APBB1IP: variants seen among roughly 807,000 people sequenced by gnomAD.
APBB1IP encodes amyloid beta A4 precursor protein-binding family B member 1-interacting protein.
A neutral mutation model predicts 64.9 loss-of-function variants in APBB1IP; 27 were observed. The ratio of observed to expected loss-of-function variants is 0.42; its 90% confidence interval spans 0.31 to 0.57. APBB1IP has a LOEUF of 0.57. Among genes scored for constraint, APBB1IP ranks in the 20% least tolerant of loss-of-function variants. The pLI is 0.20. For missense variants in APBB1IP, 812 were observed against 845.5 expected (o/e 0.96, Z 0.49); for synonymous variants, 392 against 331.0 (o/e 1.18, Z -2.00).
At chr10:26,499,329 A>C (rs1836067622) in intron 4 of APBB1IP, among the ~76,000 whole-genome samples, 1 of 152,084 alleles carries the variant, frequency 6.6e-6, no homozygotes, top group South Asian at 2.1e-4. Context: ...AAAAAAAAGA[A>C]AAGAAATTAT....
At chr10:26,519,439 C>G (rs1188853944) in intron 8 of APBB1IP, among the ~76,000 whole-genome samples, 1 of 152,104 alleles carries the variant, frequency 6.6e-6, no homozygotes, top group Admixed American at 6.5e-5. Context: ...CCTTACATGG[C>G]TGGGGCAGGA....
chr10:26,474,949 A>C (rs1307029163), intron 2 of APBB1IP, among the ~76,000 whole-genome samples: 2 of 152,240 alleles, frequency 1.3e-5, no homozygotes, highest in Non-Finnish European at 2.9e-5. Flanking sequence ...TCTGTTCTAG[A>C]GGCGGAAACG....
Position 26,533,526 on chromosome 10 carries a change from G to A in APBB1IP, c.900+1G>A. 1 of 1,592,852 alleles carries A rather than the reference G, an allele frequency of 6.3e-7. No individual in the cohort carries two copies. Among genetic ancestry groups the A allele is most frequent in the Non-Finnish European group, 8.5e-7 (1 of 1,170,600 alleles). On this transcript the variant is annotated splice_donor_variant, in intron 9 of 14. Coordinates refer to ENST00000376236, the MANE Select transcript of APBB1IP (RefSeq NM_019043.4). LOFTEE classifies it high-confidence loss of function. ...TAAGAACAAGGAATCCTTACTTGAG[G>A]TAAGGTTAATTTTGCAGAGTGGAAG...
chr10:26,463,639 C>T (rs779535432), intron 2 of APBB1IP, among the ~76,000 whole-genome samples: 1 of 152,038 alleles, frequency 6.6e-6, no homozygotes, highest in Non-Finnish European at 1.5e-5. Flanking sequence ...ATTTTTTCCA[C>T]GTTATTTAAG....
At chr10:26,500,508 T>TATTC (rs1196756185) in intron 4 of APBB1IP, among the ~76,000 whole-genome samples, 3 of 152,348 alleles carry the variant, frequency 2.0e-5, no homozygotes, top group African/African-American at 7.2e-5. Context: ...CTTAGGCATC[T>TATTC]ATTCGTGTGC....
chr10:26,524,776 G>A (rs787059), intron 8 of APBB1IP, among the ~76,000 whole-genome samples: 9,791 of 151,986 alleles, frequency 0.064, 506 homozygotes, highest in East Asian at 0.26. Context: ...TGTCTCTTAT[G>A]TGATACTATA....
intron 10 of APBB1IP, among the ~76,000 whole-genome samples, chr10:26,540,431 A>G (rs1404414886): frequency 6.6e-6 from 1 of 152,196 alleles, no homozygotes; most frequent in Non-Finnish European, 1.5e-5. Context: ...CAAACTATTA[A>G]CTATGGTACC....
At chr10:26,528,114 C>T (rs369951150) in intron 8 of APBB1IP, among the ~76,000 whole-genome samples, 4 of 152,310 alleles carry the variant, frequency 2.6e-5, no homozygotes, top group African/African-American at 7.2e-5. Context: ...TGCTTAGAAT[C>T]CATGCATCGT....
At position 26,560,131 on chromosome 10, in the gene APBB1IP, G is replaced by T; in HGVS notation, c.1182G>T (p.Gln394His). The stretch of plus-strand genomic sequence containing the variant: ...ACCCCCAAATTCAGAAGGAGTCCCA[G>T]TATATCAAGTATCTCTGCTGTGATG... The part of the protein sequence containing the change: ...LKHPQIQKES[Q>H]YIKYLCCDDT... Residue 394 changes from glutamine (Q) to histidine (H), a missense_variant, in exon 12 of 15, where the codon CAG becomes CAT. By Grantham distance (24) the Gln-to-His change is conservative (BLOSUM62 0). Coordinates refer to ENST00000376236, the MANE Select transcript of APBB1IP (RefSeq NM_019043.4). The T allele has an allele frequency of 6.2e-7, 1 of 1,614,132 alleles. No individual in the cohort carries two copies. The highest frequency in any genetic ancestry group is 8.5e-7 in the Non-Finnish European group (1 of 1,180,030).
intron 8 of APBB1IP, among the ~76,000 whole-genome samples, chr10:26,521,744 T>C (rs1459529229): frequency 1.3e-5 from 2 of 152,274 alleles, no homozygotes; most frequent in African/African-American, 4.8e-5. Context: ...AGTTTATTTA[T>C]TAAGTATTAT....
intron 8 of APBB1IP, among the ~76,000 whole-genome samples, chr10:26,526,014 G>A (rs191285061): frequency 1.3e-5 from 2 of 152,290 alleles, no homozygotes; most frequent in African/African-American, 4.8e-5. Flanking sequence ...ATTCTTTTAA[G>A]ACCTGCTTCA....
At chr10:26,513,069 C>T (rs138821096) in intron 7 of APBB1IP, among the ~76,000 whole-genome samples, 175 of 152,292 alleles carry the variant, frequency 1.1e-3, no homozygotes, top group African/African-American at 3.9e-3. Flanking sequence ...GTCCACCTCA[C>T]GTAGAATGTT....
At chr10:26,466,859 C>A (rs1255179746) in intron 2 of APBB1IP, among the ~76,000 whole-genome samples, 1 of 152,042 alleles carries the variant, frequency 6.6e-6, no homozygotes, top group Non-Finnish European at 1.5e-5. Flanking sequence ...TTGCTTGAGC[C>A]CAGGAGTTTG....
intron 2 of APBB1IP, among the ~76,000 whole-genome samples, chr10:26,447,517 A>G (rs1254495435): frequency 6.6e-6 from 1 of 152,166 alleles, no homozygotes; most frequent in Admixed American, 6.5e-5. Context: ...GGGAGAATCT[A>G]ATGTAACATA....
intron 11 of APBB1IP, among the ~76,000 whole-genome samples, chr10:26,552,901 G>A (rs1217129544): frequency 6.6e-6 from 1 of 151,988 alleles, no homozygotes; most frequent in Non-Finnish European, 1.5e-5. Flanking sequence ...CCTTGGTTTG[G>A]GGGCTCTAAC....
chr10:26,455,539 T>G (rs17529213), intron 2 of APBB1IP, among the ~76,000 whole-genome samples: 34,342 of 151,272 alleles, frequency 0.23, 4,536 homozygotes, highest in East Asian at 0.49. Context: ...ATAATAATAA[T>G]AAGAAGAAAA....
rs149588206 is a variant in APBB1IP at position 26,463,906 on chromosome 10, G to A, written c.-1+25053G>A. ...TTCCCCGCCACTTGCCCCCAACCCC[G>A]GACAGGCCCTGGTGTGTGATATTCC... On this transcript the variant is annotated intron_variant, in intron 2 of 14. Coordinates refer to ENST00000376236, the MANE Select transcript of APBB1IP (RefSeq NM_019043.4). Among the ~76,000 whole-genome samples the A allele has an allele frequency of 7.2e-5, 11 of 152,122 alleles. 1 individual carries two copies. In the East Asian group the frequency reaches 1.2e-3, roughly 16 times the overall value.
intron 14 of APBB1IP, among the ~76,000 whole-genome samples, chr10:26,563,066 T>A (rs1318391447): frequency 6.6e-6 from 1 of 152,204 alleles, no homozygotes; most frequent in East Asian, 1.9e-4. Flanking sequence ...TAGTAGCACA[T>A]CCAAGTTTTA....
chr10:26,487,504 A>T (rs1835906824), intron 2 of APBB1IP, among the ~76,000 whole-genome samples: 1 of 152,148 alleles, frequency 6.6e-6, no homozygotes, highest in South Asian at 2.1e-4. Context: ...TTTACTTATG[A>T]CTGTACGTTT....
Sources: allele counts gnomAD v4.1 joint callset (sites outside exome capture counted in the v4.1 genomes callset), GRCh38; gene constraint gnomAD v4.1.1; transcripts MANE v1.5; gene names NCBI Gene and HGNC (gene_info 2026-07-23, HGNC 2026-07-21).